PRMT3: variants seen among roughly 807,000 people sequenced by gnomAD.
The protein encoded by PRMT3 is protein arginine methyltransferase 3.
PRMT3 carries 62 observed loss-of-function variants against 71.9 expected under a neutral mutation model. The ratio of observed to expected loss-of-function variants is 0.86; its 90% CI spans 0.70 to 1.07. The LOEUF is 1.07. Ranked by LOEUF, PRMT3 falls within the 50% of genes least tolerant of loss-of-function variation. The pLI, the probability that PRMT3 is intolerant of heterozygous loss-of-function variation, is 0.00. For synonymous variants in PRMT3, 213 were observed against 220.4 expected (o/e 0.97, Z 0.30); for missense variants, 663 against 643.0 (o/e 1.03, Z -0.34).
At chr11:20,400,972 A>AT (rs35357971) in intron 7 of PRMT3, among the ~76,000 whole-genome samples, 22 of 148,272 alleles carry the variant, frequency 1.5e-4, no homozygotes, top group African/African-American at 3.9e-4. Flanking sequence ...TATTTATTGG[A>AT]TTTTTTTTTT....
At chr11:20,390,720 C>A (rs1299819868) in intron 3 of PRMT3, among the ~76,000 whole-genome samples, 1 of 152,230 alleles carries the variant, frequency 6.6e-6, no homozygotes, top group African/African-American at 2.4e-5. Context: ...TGGCTCACGC[C>A]TGTGATTCCA....
intron 15 of PRMT3, among the ~76,000 whole-genome samples, chr11:20,502,689 T>G (rs1399444327): frequency 2.0e-5 from 3 of 152,190 alleles, no homozygotes; most frequent in African/African-American, 7.2e-5. Flanking sequence ...CATTTCTATT[T>G]TGACTTGCAC....
intron 9 of PRMT3, among the ~76,000 whole-genome samples, chr11:20,414,780 G>C (rs1055647326): frequency 6.6e-6 from 1 of 152,070 alleles, no homozygotes; most frequent in Non-Finnish European, 1.5e-5. Flanking sequence ...TATATTGCCT[G>C]TGTTTAGAAT....
At chr11:20,502,480 A>G (rs1851480883) in intron 15 of PRMT3, among the ~76,000 whole-genome samples, 1 of 152,250 alleles carries the variant, frequency 6.6e-6, no homozygotes, top group Non-Finnish European at 1.5e-5. Flanking sequence ...CAGCTTATAT[A>G]TATGACATTA....
chr11:20,469,170 A>G (rs1321176277), intron 13 of PRMT3, among the ~76,000 whole-genome samples: 2 of 152,220 alleles, frequency 1.3e-5, no homozygotes, highest in Non-Finnish European at 2.9e-5. Context: ...TTCATCTATC[A>G]TATCAGCCTG....
chr11:20,425,828 A>G (rs1849533705), intron 9 of PRMT3, among the ~76,000 whole-genome samples: 1 of 152,186 alleles, frequency 6.6e-6, no homozygotes, highest in Non-Finnish European at 1.5e-5. Flanking sequence ...TCAACAAAGT[A>G]TCTGTTTTTC....
chr11:20,457,652 T>C (rs1330809487), intron 11 of PRMT3, among the ~76,000 whole-genome samples: 2 of 152,234 alleles, frequency 1.3e-5, no homozygotes, highest in Non-Finnish European at 2.9e-5. Context: ...GTTTATACTT[T>C]ATAAAAGTTA....
intron 3 of PRMT3, 129 bp from the exon 4 acceptor site, chr11:20,392,082 T>G: frequency 1.2e-6 from 1 of 826,162 alleles, no homozygotes; most frequent in South Asian, 1.8e-5. Context: ...TTAATAAAAT[T>G]CAAAATATAA....
intron 11 of PRMT3, among the ~76,000 whole-genome samples, chr11:20,453,172 A>G (rs560535418): frequency 6.6e-6 from 1 of 152,134 alleles, no homozygotes; most frequent in East Asian, 1.9e-4. Context: ...TTACTTTGGC[A>G]GTTTTGGTAC....
chr11:20,391,624 G>A (rs997015958), intron 3 of PRMT3, among the ~76,000 whole-genome samples: 3 of 151,808 alleles, frequency 2.0e-5, no homozygotes, highest in Non-Finnish European at 2.9e-5. Flanking sequence ...TTTACTTACC[G>A]ATATAGGGGG....
chr11:20,476,496 C>G (rs905480762), intron 13 of PRMT3, among the ~76,000 whole-genome samples: 4 of 152,110 alleles, frequency 2.6e-5, no homozygotes, highest in Non-Finnish European at 5.9e-5. Flanking sequence ...TACTGGGTTT[C>G]TGGAGGAAAA....
At chr11:20,507,154 T>G (rs1207506331) in intron 15 of PRMT3, among the ~76,000 whole-genome samples, 1 of 152,242 alleles carries the variant, frequency 6.6e-6, no homozygotes, top group Non-Finnish European at 1.5e-5. Flanking sequence ...TCTCCATGAC[T>G]TCAGCCCTGG....
chr11:20,507,649 C>A (rs1390015632), intron 15 of PRMT3, among the ~76,000 whole-genome samples: 8 of 151,558 alleles, frequency 5.3e-5, no homozygotes, highest in Admixed American at 1.3e-4. Flanking sequence ...CATGGTGGCG[C>A]ATGCCTGTAA....
rs545042855 is a variant in PRMT3 at position 20,508,577 on chromosome 11, C to T, written c.*164C>T. The T allele has an allele frequency of 1.4e-6, 1 of 700,368 alleles. No individual in the cohort carries two copies. Among genetic ancestry groups the T allele is most frequent in the Non-Finnish European group, 2.6e-6 (1 of 380,946 alleles). 43.4% of individuals were successfully genotyped at this position (700,368 alleles called of 1,614,324 possible). On this transcript the variant is annotated 3_prime_UTR_variant, in exon 16 of 16. Transcript: ENST00000331079. ...CTCATTGTGGGAATCTGACATAGTTCAGCTGAGGAAGAGAATCAGCTGATC... is the reference window on the plus strand; with the variant it reads ...CTCATTGTGGGAATCTGACATAGTTTAGCTGAGGAAGAGAATCAGCTGATC...
At chr11:20,403,595 C>CT (rs1322046962) in intron 8 of PRMT3, among the ~76,000 whole-genome samples, 54 of 150,058 alleles carry the variant, frequency 3.6e-4, no homozygotes, top group African/African-American at 1.0e-3. Context: ...CTTCCTTACA[C>CT]TTTTTTTTTT....
chr11:20,414,091 C>T (rs1284788411), intron 9 of PRMT3, among the ~76,000 whole-genome samples: 1 of 152,072 alleles, frequency 6.6e-6, no homozygotes, highest in Non-Finnish European at 1.5e-5. Context: ...TTTGGCTAGG[C>T]ATGGTGGCTT....
intron 3 of PRMT3, among the ~76,000 whole-genome samples, chr11:20,391,601 G>C (rs1369281638): frequency 6.6e-6 from 1 of 151,484 alleles, no homozygotes; most frequent in Admixed American, 6.6e-5. Flanking sequence ...ATAGAATTTT[G>C]TTTTGTTTTT....
At chr11:20,425,667 TTC>T (rs1258966245) in intron 9 of PRMT3, among the ~76,000 whole-genome samples, 4 of 152,176 alleles carry the variant, frequency 2.6e-5, no homozygotes, top group Non-Finnish European at 4.4e-5. Flanking sequence ...ATCAGCACGA[TTC>T]TGTTAGTATG....
intron 10 of PRMT3, among the ~76,000 whole-genome samples, chr11:20,439,365 A>AC (rs1271718000): frequency 6.6e-6 from 1 of 152,008 alleles, no homozygotes; most frequent in Non-Finnish European, 1.5e-5. Flanking sequence ...GTGGTAGGAG[A>AC]CTGGTGTTCC....
Sources: allele counts gnomAD v4.1 joint callset (sites outside exome capture counted in the v4.1 genomes callset), GRCh38; gene constraint gnomAD v4.1.1; transcripts MANE v1.5; gene names NCBI Gene and HGNC (gene_info 2026-07-23, HGNC 2026-07-21).